The following FADS3 variants were observed in gnomAD, a reference collection of about 807,000 sequenced individuals.
FADS3 encodes the protein fatty acid desaturase 3.
In FADS3, 30 loss-of-function variants were observed where a neutral mutation model predicts 60.4. The observed-to-expected ratio is 0.50, with a 90% CI of 0.37 to 0.67. The LOEUF (loss-of-function observed/expected upper bound fraction) is 0.67. Among genes scored for constraint, FADS3 ranks in the 30% least tolerant of loss-of-function variants. The pLI, the probability that FADS3 is intolerant of heterozygous loss-of-function variation, is 0.00. For missense variants in FADS3, 432 were observed against 598.3 expected, an observed-to-expected ratio of 0.72 and a Z score of 2.90; for synonymous variants, 234 against 249.3, an observed-to-expected ratio of 0.94 and a Z score of 0.58.
At chr11:61,884,268 T>C (rs183588753) in intron 1 of FADS3, among the ~76,000 whole-genome samples, 2 of 152,022 alleles carry the variant, frequency 1.3e-5, no homozygotes, top group East Asian at 1.9e-4. Flanking sequence ...TGAGAACACA[T>C]GGACACAGGG....
At chr11:61,885,936 G>A (rs371231765) in intron 1 of FADS3, among the ~76,000 whole-genome samples, 5 of 152,150 alleles carry the variant, frequency 3.3e-5, no homozygotes, top group Admixed American at 2.6e-4. Flanking sequence ...CCTGGCGCCC[G>A]TCAGAGGAGG....
intron 1 of FADS3, among the ~76,000 whole-genome samples, chr11:61,887,644 C>G (rs1362453979): frequency 1.3e-5 from 2 of 152,238 alleles, no homozygotes; most frequent in Admixed American, 6.5e-5. Context: ...ACCTCTGAGC[C>G]TTTGCTCTAG....
At chr11:61,889,754 C>T (rs966698187) in intron 1 of FADS3, among the ~76,000 whole-genome samples, 1 of 151,680 alleles carries the variant, frequency 6.6e-6, no homozygotes, top group Admixed American at 6.6e-5. Context: ...CCAGAACTTT[C>T]GGAGGCTGAG....
chr11:61,884,730 G>T, intron 1 of FADS3, among the ~76,000 whole-genome samples: 1 of 152,244 alleles, frequency 6.6e-6, no homozygotes, highest in East Asian at 1.9e-4. Context: ...TCCACCCAGG[G>T]GTACGTGCAC....
chr11:61,890,123 T>C (rs1414503361), intron 1 of FADS3: 3 of 148,082 alleles, frequency 2.0e-5, no homozygotes, highest in African/African-American at 5.2e-5. Context: ...GGCGTTCTCT[T>C]TTTTTTTTTT....
Position 61,889,479 on chromosome 11 carries a change from G to A in FADS3, c.213+1690C>T, listed in dbSNP as rs920774230. On this transcript the variant is annotated intron_variant, in intron 1 of 11. Transcript: ENST00000278829. ...AGCTTGGCCAACATGGTGAAACCCCGTCTCTACTAAAAATACAATATGCTG... is the reference window on the plus strand; with the variant it reads ...AGCTTGGCCAACATGGTGAAACCCCATCTCTACTAAAAATACAATATGCTG... 2.7e-4 allele frequency among the ~76,000 whole-genome samples: 41 copies of A among 151,788 alleles called. 1 individual carries two copies. Among genetic ancestry groups the A allele is most frequent in the South Asian group, 4.2e-4 (2 of 4,794 alleles).
chr11:61,875,301 A>G (rs1937825435), intron 11 of FADS3, among the ~76,000 whole-genome samples: 1 of 151,052 alleles, frequency 6.6e-6, no homozygotes, highest in African/African-American at 2.4e-5. Context: ...CGCCCCTGCG[A>G]GTTCAAGTGA....
Position 61,876,812 on chromosome 11 carries a change from C to A in FADS3, c.983+54G>T. 1 of 1,352,550 alleles carries A rather than the reference C, an allele frequency of 7.4e-7. No individual in the cohort carries two copies. The highest frequency in any genetic ancestry group is 1.0e-6 in the Non-Finnish European group (1 of 962,996). The allele number at this position is 1,352,550 out of a possible 1,614,324, so 83.8% of individuals were successfully genotyped here. On this transcript the variant is annotated intron_variant, in intron 8 of 11. Transcript: ENST00000278829. This position sits in a 1 kb window ranked among gnomAD's most constrained non-coding sequence, Gnocchi z 5.7. Reference sequence around the variant, plus strand: ...GGAAAAGGGAAGCTCTGGTGGGGGGCTGCAGTGGGGGTCACCTGTCGCCTG... The same window carrying A: ...GGAAAAGGGAAGCTCTGGTGGGGGGATGCAGTGGGGGTCACCTGTCGCCTG...
chr11:61,889,371 G>C lies in FADS3; in HGVS notation c.213+1798C>G, dbSNP rs534405939. On this transcript the variant is annotated intron_variant, in intron 1 of 11. Transcript: ENST00000278829. ...TGAAATAAAAGCTTTCTGTATCCCAGCCGGGCGTGGTGGCTCACGCCTGTA... is the reference window on the plus strand; with the variant it reads ...TGAAATAAAAGCTTTCTGTATCCCACCCGGGCGTGGTGGCTCACGCCTGTA... Among the ~76,000 whole-genome samples the C allele has an allele frequency of 8.9e-4, 135 of 152,244 alleles. 1 individual carries two copies. In the Middle Eastern group the frequency reaches 0.01, roughly 12 times the overall value.
intron 1 of FADS3, among the ~76,000 whole-genome samples, chr11:61,883,200 T>A (rs189763182): frequency 7.4e-4 from 112 of 152,256 alleles, no homozygotes; most frequent in African/African-American, 2.6e-3. Context: ...CATTAAACAC[T>A]AATTCTCCAT....
At chr11:61,874,098 G>T (rs1326328439) in intron 11 of FADS3, among the ~76,000 whole-genome samples, 1 of 152,190 alleles carries the variant, frequency 6.6e-6, no homozygotes, top group Non-Finnish European at 1.5e-5. Context: ...GGGAGCTGGA[G>T]GGCAGCCAAG....
Position 61,877,291 on chromosome 11 carries a change from CTGTT to C in FADS3, c.885+216_885+219del, listed in dbSNP as rs1937935169. 7 of 273,834 alleles carry C rather than the reference CTGTT, an allele frequency of 2.6e-5. No homozygotes were observed. Among genetic ancestry groups the C allele is most frequent in the South Asian group, 7.0e-5 (2 of 28,638 alleles). The allele number at this position is 273,834 out of a possible 1,614,324, so 17.0% of individuals were successfully genotyped here. A position where few individuals can be genotyped will look rare whatever the true frequency, so the allele number is the denominator to read the frequency against. ...TCACCGAGAGAGACCCACACCCCCCCTGTTCCTCAACCCCCCCCCACCACACGTA... is the reference window on the plus strand; with the variant it reads ...TCACCGAGAGAGACCCACACCCCCCCCCTCAACCCCCCCCCACCACACGTA... On this transcript the variant is annotated intron_variant, in intron 7 of 11. Coordinates refer to ENST00000278829, the MANE Select transcript of FADS3 (RefSeq NM_021727.5). This position sits in a 1 kb window ranked among gnomAD's most constrained non-coding sequence, Gnocchi z 4.7.
At chr11:61,882,978 C>T (rs186569958) in intron 1 of FADS3, among the ~76,000 whole-genome samples, 8 of 152,336 alleles carry the variant, frequency 5.3e-5, no homozygotes, top group Non-Finnish European at 8.8e-5. Context: ...AATCCTCCCG[C>T]CTTGGCCTCC....
At position 61,876,210 on chromosome 11, in the gene FADS3, C is replaced by T. The variant is rs370085951; in HGVS notation, c.1081-20G>A. ...TGCCAGCTGCCGGAAGCCGGCGGGG[C>T]ACATGTGAGGAGGCCGTTGCAGATC... On this transcript the variant is annotated intron_variant, in intron 9 of 11. Coordinates refer to ENST00000278829, the MANE Select transcript of FADS3 (RefSeq NM_021727.5). The surrounding 1 kb of genome is among the most constrained non-coding windows in gnomAD (Gnocchi z 5.7). 3.4e-5 allele frequency: 54 copies of T among 1,588,986 alleles called. No homozygotes were observed. The highest frequency in any genetic ancestry group is 4.5e-5 in the Non-Finnish European group (53 of 1,168,322).
chr11:61,884,962 G>C (rs1222782760), intron 1 of FADS3, among the ~76,000 whole-genome samples: 3 of 152,152 alleles, frequency 2.0e-5, no homozygotes, highest in African/African-American at 7.2e-5. Flanking sequence ...AAGTAGACAA[G>C]AGCCAACCCT....
chr11:61,883,120 A>G (rs1029534828), intron 1 of FADS3, among the ~76,000 whole-genome samples: 1 of 152,220 alleles, frequency 6.6e-6, no homozygotes, highest in African/African-American at 2.4e-5. Context: ...GTGCATGCAC[A>G]GTGTTGTCCA....
chr11:61,876,702 G>A lies in FADS3; in HGVS notation c.983+164C>T, dbSNP rs926336050. ...CCAGGCCACGCTCCCTAAACCCACCGACCCTGGGCTCCTGCCACGCTTGTG... is the reference window on the plus strand; with the variant it reads ...CCAGGCCACGCTCCCTAAACCCACCAACCCTGGGCTCCTGCCACGCTTGTG... On this transcript the variant is annotated intron_variant, in intron 8 of 11. Transcript: ENST00000278829. The surrounding 1 kb of genome is among the most constrained non-coding windows in gnomAD (Gnocchi z 5.7). 7 of 724,674 alleles carry A rather than the reference G, an allele frequency of 9.7e-6. No individual in the cohort carries two copies. Among genetic ancestry groups the A allele is most frequent in the Non-Finnish European group, 1.7e-5 (7 of 417,138 alleles). The allele number at this position is 724,674 out of a possible 1,614,324, so 44.9% of individuals were successfully genotyped here. A position where few individuals can be genotyped will look rare whatever the true frequency, so the allele number is the denominator to read the frequency against.
In FADS3 at chr11:61,891,453, G is replaced by T. The variant is rs559999902; in HGVS notation, c.-72C>A. ...AGCAAGACCCCGAGGGAAGCGAAGA[G>T]CGCTCCCGGGCGCCGCCTCCGCCGC... On this transcript the variant is annotated 5_prime_UTR_variant, in exon 1 of 12. Transcript: ENST00000278829. The T allele has an allele frequency of 1.6e-4, 178 of 1,109,828 alleles. 2 individuals are homozygous for T. In the East Asian group the frequency reaches 5.4e-3, roughly 33 times the overall value. 68.7% of individuals were successfully genotyped at this position (1,109,828 alleles called of 1,614,324 possible). A position where few individuals can be genotyped will look rare whatever the true frequency, so the allele number is the denominator to read the frequency against.
Position 61,891,486 on chromosome 11 carries a change from T to G in FADS3, c.-105A>C, listed in dbSNP as rs1938515682. 3 of 785,760 alleles carry G rather than the reference T, an allele frequency of 3.8e-6. No homozygotes were observed. The highest frequency in any genetic ancestry group is 3.5e-6 in the Non-Finnish European group (2 of 578,626). The allele number at this position is 785,760 out of a possible 1,614,324, so 48.7% of individuals were successfully genotyped here. A position where few individuals can be genotyped will look rare whatever the true frequency, so the allele number is the denominator to read the frequency against. Reference sequence around the variant, plus strand: ...GGGCGCCGCCTCCGCCGCCGCCCGCTGCTCCGGCCCCGCCCTGCCGCCGCG... The same window carrying G: ...GGGCGCCGCCTCCGCCGCCGCCCGCGGCTCCGGCCCCGCCCTGCCGCCGCG... On this transcript the variant is annotated 5_prime_UTR_variant, in exon 1 of 12. Coordinates refer to ENST00000278829, the MANE Select transcript of FADS3 (RefSeq NM_021727.5).
Sources: allele counts gnomAD v4.1 joint callset (sites outside exome capture counted in the v4.1 genomes callset), GRCh38; gene constraint gnomAD v4.1.1; non-coding constraint Gnocchi (gnomAD v3.1); transcripts MANE v1.5; gene names NCBI Gene and HGNC (gene_info 2026-07-23, HGNC 2026-07-21).